The following CLMN variants were observed in gnomAD, a reference collection of about 807,000 sequenced individuals.
CLMN encodes calmin, also known as calmin (calponin-like, transmembrane).
In CLMN, 57 loss-of-function variants were observed where a neutral mutation model predicts 92.7. The ratio of observed to expected loss-of-function variants is 0.61; its 90% confidence interval spans 0.50 to 0.77. The LOEUF (loss-of-function observed/expected upper bound fraction) is 0.77, where lower values mean the gene tolerates loss of function less well. Among genes scored for constraint, CLMN ranks in the 30% least tolerant of loss-of-function variants. The probability of loss-of-function intolerance (pLI) is 0.00; values close to 1 mark genes in which losing one functional copy is unlikely to be tolerated. For synonymous variants in CLMN, 466 were observed against 470.6 expected, an observed-to-expected ratio of 0.99 and a Z score of 0.13; for missense variants, 1,158 against 1,237.5, an observed-to-expected ratio of 0.94 and a Z score of 0.96.
intron 9 of CLMN, 94 bp from the exon 10 acceptor site, chr14:95,196,788 AG>A: frequency 5.0e-6 from 6 of 1,208,938 alleles, no homozygotes; most frequent in Non-Finnish European, 7.0e-6. Flanking sequence ...AGGCCCAGCC[AG>A]GGCGTCCCTT....
At chr14:95,268,431 T>C (rs966357852) in intron 1 of CLMN, among the ~76,000 whole-genome samples, 1 of 150,876 alleles carries the variant, frequency 6.6e-6, no homozygotes, top group Non-Finnish European at 1.5e-5. Context: ...TTCTTACTGA[T>C]ACAACATTCT....
chr14:95,288,246 A>G (rs1303634487), intron 1 of CLMN, among the ~76,000 whole-genome samples: 2 of 152,212 alleles, frequency 1.3e-5, no homozygotes, highest in Admixed American at 6.5e-5. Flanking sequence ...GCTGCAAACC[A>G]GAGTTGCAAC....
chr14:95,297,463 T>G (rs752530455), intron 1 of CLMN, among the ~76,000 whole-genome samples: 1 of 152,168 alleles, frequency 6.6e-6, no homozygotes, highest in Non-Finnish European at 1.5e-5. Context: ...ACGGAAGAGA[T>G]AGAATATTCC....
intron 1 of CLMN, among the ~76,000 whole-genome samples, chr14:95,283,151 G>A (rs778060861): frequency 3.3e-5 from 5 of 152,216 alleles, no homozygotes; most frequent in Non-Finnish European, 7.3e-5. Flanking sequence ...AGTCACAGGG[G>A]CCTGTATTTC....
intron 12 of CLMN, chr14:95,193,154 A>G: frequency 1.8e-6 from 1 of 556,678 alleles, no homozygotes; most frequent in Non-Finnish European, 3.2e-6. Flanking sequence ...TTTTTTAAAA[A>G]TAAAAACATA....
At position 95,187,559 on chromosome 14, in the gene CLMN, G is replaced by A. The variant is rs1014984092; in HGVS notation, c.*4005C>T. On this transcript the variant is annotated 3_prime_UTR_variant, in exon 13 of 13. Transcript: ENST00000298912. ...GCATTTATTGGCTCTGAGGTCCCCT[G>A]TCCTTCCCATGCAGCCAGATGACCA... is the stretch of plus-strand genomic sequence containing the variant. 4 of 152,250 alleles carry A rather than the reference G, an allele frequency of 2.6e-5. No homozygotes were observed. Among genetic ancestry groups the A allele is most frequent in the African/African-American group, 9.7e-5 (4 of 41,438 alleles). 9.4% of individuals were successfully genotyped at this position (152,250 alleles called of 1,614,324 possible).
At chr14:95,244,720 A>T (rs1898392986) in intron 1 of CLMN, among the ~76,000 whole-genome samples, 1 of 152,180 alleles carries the variant, frequency 6.6e-6, no homozygotes, top group African/African-American at 2.4e-5. Flanking sequence ...GTCAATTTTT[A>T]CGTGAAGATG....
Position 95,204,403 on chromosome 14 carries a change from C to A in CLMN, c.946G>T (p.Glu316Ter), listed in dbSNP as rs1404047220. The A allele has an allele frequency of 6.2e-7, 1 of 1,613,002 alleles. No homozygotes were observed. Among genetic ancestry groups the A allele is most frequent in the East Asian group, 2.2e-5 (1 of 44,836 alleles). ...TTGCTCTCCTGTTCAGAAGGAGTTT[C>A]TTTGATGCGAACAAAAGTGGATTCG... is the stretch of plus-strand genomic sequence containing the variant. ...PIESTFVRIK[E>*]TPSEQESKVF... The change falls in exon 9 of 13, where the codon GAA becomes TAA. Residue 316 changes from glutamate (E) to a stop codon, truncating the protein, a stop_gained. Transcript: ENST00000298912. LOFTEE classifies it high-confidence loss of function.
chr14:95,218,255 G>A (rs1455001908), intron 4 of CLMN, among the ~76,000 whole-genome samples: 1 of 152,204 alleles, frequency 6.6e-6, no homozygotes, highest in Non-Finnish European at 1.5e-5. Flanking sequence ...AGAATGGAGA[G>A]TGCTTTTCAC....
At chr14:95,199,942 C>A (rs1284986005) in intron 9 of CLMN, among the ~76,000 whole-genome samples, 1 of 151,944 alleles carries the variant, frequency 6.6e-6, no homozygotes, top group African/African-American at 2.4e-5. Context: ...TCTTGGAGTT[C>A]ATGCTAAGAC....
At chr14:95,285,793 T>C (rs998182897) in intron 1 of CLMN, among the ~76,000 whole-genome samples, 16 of 152,234 alleles carry the variant, frequency 1.1e-4, no homozygotes, top group African/African-American at 3.6e-4. Context: ...CTGGGATATG[T>C]GGATAAGGTA....
chr14:95,191,364 GA>G lies in CLMN; in HGVS notation c.*199del. On this transcript the variant is annotated 3_prime_UTR_variant, in exon 13 of 13. Transcript: ENST00000298912. The surrounding 1 kb of genome is among the most constrained non-coding windows in gnomAD (Gnocchi z 5.3). Reference sequence around the variant, plus strand: ...CCTGAGTTTTGAGTACACAGCCAAAGAAAAAAGCATGCTCAGGTTGTCCAGA... The same window carrying G: ...CCTGAGTTTTGAGTACACAGCCAAAGAAAAAGCATGCTCAGGTTGTCCAGA... 5.0e-6 allele frequency: 2 copies of G among 399,000 alleles called. No homozygotes were observed. Among genetic ancestry groups the G allele is most frequent in the African/African-American group, 2.6e-5 (1 of 37,904 alleles). The allele number at this position is 399,000 out of a possible 1,614,324, so 24.7% of individuals were successfully genotyped here.
At chr14:95,245,217 TA>T (rs1566891032) in intron 1 of CLMN, among the ~76,000 whole-genome samples, 3 of 32,590 alleles carry the variant, frequency 9.2e-5, no homozygotes, top group Admixed American at 5.4e-4. Context: ...ATTATATATA[TA>T]TATATATTAT....
intron 2 of CLMN, among the ~76,000 whole-genome samples, chr14:95,225,941 G>A (rs1294145279): frequency 6.6e-6 from 1 of 152,198 alleles, no homozygotes; most frequent in South Asian, 2.1e-4. Flanking sequence ...AGAACTGGCT[G>A]GAACTTGTGG....
At chr14:95,244,494 T>C (rs1233810860) in intron 1 of CLMN, among the ~76,000 whole-genome samples, 1 of 152,212 alleles carries the variant, frequency 6.6e-6, no homozygotes, top group African/African-American at 2.4e-5. Flanking sequence ...CAAACATTTC[T>C]AGTTCCTCCA....
chr14:95,207,374 C>A (rs1897075296), intron 8 of CLMN, among the ~76,000 whole-genome samples: 1 of 152,192 alleles, frequency 6.6e-6, no homozygotes, highest in African/African-American at 2.4e-5. Flanking sequence ...CCTGCTTCAG[C>A]CTCCCAAAGT....
intron 1 of CLMN, among the ~76,000 whole-genome samples, chr14:95,299,575 C>A (rs117595156): frequency 0.023 from 3,437 of 152,212 alleles, 50 homozygotes; most frequent in Non-Finnish European, 0.034. Flanking sequence ...CCTGTCCACG[C>A]CCACTAGGAA....
At chr14:95,196,360 G>A (rs1595553609) in intron 10 of CLMN, 138 bp downstream of exon 10, 2 of 850,842 alleles carry the variant, frequency 2.4e-6, no homozygotes, top group East Asian at 5.4e-5. Context: ...TGTAGAGAAT[G>A]AGGATTGTGT....
chr14:95,185,294 G>A lies in CLMN; in HGVS notation c.*6270C>T, dbSNP rs1454972502. 6.6e-6 allele frequency: 1 copy of A among 152,226 alleles called. No homozygotes were observed. Among genetic ancestry groups the A allele is most frequent in the Non-Finnish European group, 1.5e-5 (1 of 68,072 alleles). The allele number at this position is 152,226 out of a possible 1,614,324, so 9.4% of individuals were successfully genotyped here. A position where few individuals can be genotyped will look rare whatever the true frequency, so the allele number is the denominator to read the frequency against. On this transcript the variant is annotated 3_prime_UTR_variant, in exon 13 of 13. Coordinates refer to ENST00000298912, the MANE Select transcript of CLMN (RefSeq NM_024734.4). ...ATGAGAGCAAGGCGCAAGATCTGTG[G>A]AGCTCAAGGGGATGCTTGTGTCTCA... is the stretch of plus-strand genomic sequence containing the variant.
Sources: allele counts gnomAD v4.1 joint callset (sites outside exome capture counted in the v4.1 genomes callset), GRCh38; gene constraint gnomAD v4.1.1; non-coding constraint Gnocchi (gnomAD v3.1); transcripts MANE v1.5; gene names NCBI Gene and HGNC (gene_info 2026-07-23, HGNC 2026-07-21).